The following SMOC2 variants were observed in gnomAD, a reference collection of about 807,000 sequenced individuals.
SMOC2 encodes the protein SPARC related modular calcium binding 2, also known as SPARC-related modular calcium-binding protein 2.
A neutral mutation model predicts 61.4 loss-of-function variants in SMOC2; 39 were observed. The observed-to-expected ratio is 0.64, with a 90% confidence interval of 0.49 to 0.83. The LOEUF (loss-of-function observed/expected upper bound fraction) is 0.83. SMOC2 is among the 40% of genes least tolerant of loss of function. SMOC2 has a pLI of 0.00. For missense variants in SMOC2, 556 were observed against 592.9 expected (o/e 0.94, Z 0.65); for synonymous variants, 247 against 239.9 (o/e 1.03, Z -0.27).
intron 5 of SMOC2, among the ~76,000 whole-genome samples, chr6:168,546,855 T>C (rs1317565387): frequency 6.6e-6 from 1 of 152,232 alleles, no homozygotes; most frequent in Non-Finnish European, 1.5e-5. Context: ...TTGGCTCTGA[T>C]AGTTTAGAAC....
intron 1 of SMOC2, among the ~76,000 whole-genome samples, chr6:168,451,366 A>G (rs1210552332): frequency 6.6e-6 from 1 of 152,240 alleles, no homozygotes; most frequent in Non-Finnish European, 1.5e-5. Context: ...ATTCTGCCAC[A>G]TGCGAAGGCT....
intron 7 of SMOC2, among the ~76,000 whole-genome samples, chr6:168,554,928 T>C (rs1784212549): frequency 1.3e-5 from 2 of 152,338 alleles, no homozygotes; most frequent in South Asian, 4.1e-4. Flanking sequence ...ACAGGGCGTG[T>C]GCTCCCTCGG....
At chr6:168,563,360 G>A (rs921245756) in intron 7 of SMOC2, among the ~76,000 whole-genome samples, 3 of 152,066 alleles carry the variant, frequency 2.0e-5, no homozygotes, top group African/African-American at 4.8e-5. Context: ...ATGTATGTGT[G>A]TATATGTGTA....
At chr6:168,512,439 AG>A (rs1783030585) in intron 2 of SMOC2, among the ~76,000 whole-genome samples, 1 of 152,190 alleles carries the variant, frequency 6.6e-6, no homozygotes, top group Admixed American at 6.5e-5. Context: ...CCACAAATGG[AG>A]GGGTGAGCTA....
intron 7 of SMOC2, among the ~76,000 whole-genome samples, chr6:168,562,409 C>T (rs1245330916): frequency 1.6e-5 from 2 of 121,892 alleles, no homozygotes; most frequent in African/African-American, 6.0e-5. Flanking sequence ...GAGGAGGTGT[C>T]ATTTTCATAC....
chr6:168,460,550 G>T (rs994686213), intron 1 of SMOC2, among the ~76,000 whole-genome samples: 1 of 152,176 alleles, frequency 6.6e-6, no homozygotes, highest in Non-Finnish European at 1.5e-5. Flanking sequence ...GGGTTTGGAG[G>T]TCTGCCCACC....
At chr6:168,650,841 C>G in intron 10 of SMOC2, 58 bp downstream of exon 10, 1 of 1,484,700 alleles carries the variant, frequency 6.7e-7, no homozygotes, top group East Asian at 2.4e-5. Flanking sequence ...TCTGGGGAAT[C>G]TGGAAAGTCT....
At chr6:168,646,705 G>C (rs1028771934) in intron 9 of SMOC2, among the ~76,000 whole-genome samples, 1 of 152,128 alleles carries the variant, frequency 6.6e-6, no homozygotes, top group African/African-American at 2.4e-5. Context: ...TCAGGGACCC[G>C]CCAGTTCAGC....
chr6:168,487,179 C>T (rs1309091337), intron 1 of SMOC2, among the ~76,000 whole-genome samples: 3 of 152,158 alleles, frequency 2.0e-5, no homozygotes, highest in Non-Finnish European at 4.4e-5. Context: ...ATCTTTTTCC[C>T]CGGCAAAGCT....
intron 9 of SMOC2, among the ~76,000 whole-genome samples, chr6:168,626,781 T>A (rs1313992926): frequency 3.3e-5 from 5 of 152,042 alleles, no homozygotes; most frequent in Non-Finnish European, 5.9e-5. Flanking sequence ...ATTCCAGGGG[T>A]CTTTACCAGA....
intron 1 of SMOC2, among the ~76,000 whole-genome samples, chr6:168,500,800 G>A (rs1393863172): frequency 1.3e-5 from 2 of 152,268 alleles, no homozygotes; most frequent in East Asian, 1.9e-4. Flanking sequence ...CACAGTGGCC[G>A]CCGAGGACGC....
rs111066665 is a variant in SMOC2 at position 168,518,995 on chromosome 6, G to A, written c.257-7351G>A. ...CGTGTGTATGCATGCGTGTGTATGC[G>A]TGCATGTGTGAGTATGCGTGCATGC... On this transcript the variant is annotated intron_variant, in intron 2 of 12. Coordinates refer to ENST00000356284, the MANE Select transcript of SMOC2 (RefSeq NM_001166412.2). Among the ~76,000 whole-genome samples the A allele has an allele frequency of 4.8e-3, 717 of 150,686 alleles. 2 individuals are homozygous for A. Among genetic ancestry groups the A allele is most frequent in the East Asian group, 0.022 (112 of 5,020 alleles).
chr6:168,650,390 G>T (rs569740832), intron 9 of SMOC2, among the ~76,000 whole-genome samples: 1 of 152,178 alleles, frequency 6.6e-6, no homozygotes, highest in Non-Finnish European at 1.5e-5. Flanking sequence ...TGCCACACTC[G>T]CTGGATGAGT....
At chr6:168,496,384 G>A (rs575440453) in intron 1 of SMOC2, among the ~76,000 whole-genome samples, 90 of 152,310 alleles carry the variant, frequency 5.9e-4, no homozygotes, top group African/African-American at 2.0e-3. Context: ...AGCACAGGAG[G>A]CCATGAGGAC....
At chr6:168,632,836 C>T (rs919551822) in intron 9 of SMOC2, among the ~76,000 whole-genome samples, 11 of 152,194 alleles carry the variant, frequency 7.2e-5, no homozygotes, top group East Asian at 1.9e-4. Flanking sequence ...CCTTTTGATG[C>T]CTTTTCCCTA....
chr6:168,647,216 C>T lies in SMOC2; in HGVS notation c.908-3465C>T, dbSNP rs142291495. 1.9e-3 allele frequency among the ~76,000 whole-genome samples: 285 copies of T among 152,324 alleles called. 1 individual carries two copies. Among genetic ancestry groups the T allele is most frequent in the Non-Finnish European group, 3.1e-3 (209 of 68,032 alleles). ...AGGGTGACTGGGTACATCGCTGAGCCTGCATGCGGCAGTTTTGACGCCAAC... is the reference window on the plus strand; with the variant it reads ...AGGGTGACTGGGTACATCGCTGAGCTTGCATGCGGCAGTTTTGACGCCAAC... On this transcript the variant is annotated intron_variant, in intron 9 of 12. Transcript: ENST00000356284.
chr6:168,448,851 GT>G, intron 1 of SMOC2, among the ~76,000 whole-genome samples: 1 of 152,298 alleles, frequency 6.6e-6, no homozygotes, highest in Middle Eastern at 3.4e-3. Flanking sequence ...CTTTGGGCAC[GT>G]TTTCAGTTTT....
intron 9 of SMOC2, among the ~76,000 whole-genome samples, chr6:168,632,336 A>G (rs527397217): frequency 3.9e-4 from 60 of 152,344 alleles, no homozygotes; most frequent in Middle Eastern, 3.4e-3. Flanking sequence ...CCAAGAATCA[A>G]CAACTTTGCT....
intron 11 of SMOC2, among the ~76,000 whole-genome samples, chr6:168,657,531 C>T (rs1034752990): frequency 6.6e-6 from 1 of 152,226 alleles, no homozygotes; most frequent in African/African-American, 2.4e-5. Context: ...TCAGCACCTG[C>T]CCACTGGGTT....
Sources: allele counts gnomAD v4.1 joint callset (sites outside exome capture counted in the v4.1 genomes callset), GRCh38; gene constraint gnomAD v4.1.1; transcripts MANE v1.5; gene names NCBI Gene and HGNC (gene_info 2026-07-23, HGNC 2026-07-21).